Variants in FANCA observed in about 807,000 individuals in gnomAD.
FANCA encodes the protein Fanconi anemia group A protein.
A neutral mutation model predicts 194.3 loss-of-function variants in FANCA; 236 were observed. That is an observed-to-expected ratio of 1.21 (90% CI 1.09 to 1.35). The LOEUF (loss-of-function observed/expected upper bound fraction) is 1.35. Among genes scored for constraint, FANCA ranks in the 40% most tolerant of loss-of-function variants. The pLI is 0.00. For missense variants in FANCA, 2,628 were observed against 1,813.9 expected, an observed-to-expected ratio of 1.45 and a Z score of -8.15; for synonymous variants, 1,014 against 715.8, an observed-to-expected ratio of 1.42 and a Z score of -6.65.
At chr16:89,789,315 A>G (rs2039994400) in intron 14 of FANCA, among the ~76,000 whole-genome samples, 1 of 148,532 alleles carries the variant, frequency 6.7e-6, no homozygotes, top group African/African-American at 2.6e-5. Flanking sequence ...CTGGGGGGGG[A>G]GCAGGCACCG....
At chr16:89,780,063 T>C in intron 17 of FANCA, 106 bp from the exon 18 acceptor site, 1 of 1,028,108 alleles carries the variant, frequency 9.7e-7, no homozygotes. Flanking sequence ...AAAGGCTCTG[T>C]ACACATTAAA....
chr16:89,758,771 G>C lies in FANCA; in HGVS notation c.2853-66C>G, dbSNP rs2038847276. On this transcript the variant is annotated intron_variant, in intron 29 of 42. Coordinates refer to ENST00000389301, the MANE Select transcript of FANCA (RefSeq NM_000135.4). ...CGTGGCCAGCGGTTCCCCATAACCA[G>C]GGAATAGGCCCATAGTAAGGGACAC... The C allele has an allele frequency of 3.1e-6, 5 of 1,601,200 alleles. No homozygotes were observed. In the South Asian group the frequency reaches 4.4e-5, roughly 14 times the overall value.
intron 10 of FANCA, 185 bp downstream of exon 10, chr16:89,798,981 G>C: frequency 6.2e-7 from 1 of 1,613,700 alleles, no homozygotes; most frequent in Non-Finnish European, 8.5e-7. Flanking sequence ...GGAAAAGGCT[G>C]ACCAGAGCGT....
intron 30 of FANCA, among the ~76,000 whole-genome samples, chr16:89,754,401 C>T (rs1040459786): frequency 6.6e-6 from 1 of 152,160 alleles, no homozygotes; most frequent in African/African-American, 2.4e-5. Flanking sequence ...GACTGAGTTT[C>T]ACTCTTGTCG....
At chr16:89,798,434 C>T (rs2040321335) in intron 10 of FANCA, 2 of 1,087,264 alleles carry the variant, frequency 1.8e-6, no homozygotes, top group Non-Finnish European at 2.2e-6. Context: ...AGCAGTTAAA[C>T]AGTTACTGTG....
intron 29 of FANCA, among the ~76,000 whole-genome samples, chr16:89,759,130 G>A (rs182020070): frequency 3.3e-5 from 5 of 151,592 alleles, no homozygotes; most frequent in African/African-American, 7.3e-5. Flanking sequence ...ACCATCCTGG[G>A]TAACACGGTG....
chr16:89,751,449 G>A (rs534496338), intron 31 of FANCA, among the ~76,000 whole-genome samples: 1 of 152,280 alleles, frequency 6.6e-6, no homozygotes, highest in Non-Finnish European at 1.5e-5. Context: ...TCTAGCCTGG[G>A]TGACAGAGCA....
intron 20 of FANCA, among the ~76,000 whole-genome samples, chr16:89,776,757 G>A (rs373022083): frequency 3.9e-5 from 6 of 152,048 alleles, no homozygotes; most frequent in African/African-American, 1.4e-4. Context: ...CATGAACCCA[G>A]AAGGTGGAGC....
chr16:89,738,268 C>G lies in FANCA; in HGVS notation c.*333G>C. 6.4e-7 allele frequency: 1 copy of G among 1,572,124 alleles called. No homozygotes were observed. The highest frequency in any genetic ancestry group is 8.6e-7 in the Non-Finnish European group (1 of 1,160,326). On this transcript the variant is annotated 3_prime_UTR_variant, in exon 43 of 43. Coordinates refer to ENST00000389301, the MANE Select transcript of FANCA (RefSeq NM_000135.4). ...CTGAGGACGGCAGTGAGGATGAGCA[C>G]CTCTAGCAGCCTGGACTCCGCAGTG...
chr16:89,782,871 C>T lies in FANCA; in HGVS notation c.1614G>A (p.Gly538=), dbSNP rs747421581. The change falls in exon 17 of 43, where the codon GGG becomes GGA. Residue 538 remains glycine (G), a synonymous_variant. Coordinates refer to ENST00000389301, the MANE Select transcript of FANCA (RefSeq NM_000135.4). The part of the protein sequence containing the change: ...MGLYEDLSSA[G]DITEPHSQAL... ...CAAGCAACATTACCTCAGTAATGTC[C>T]CCAGCTGATGACAAATCCTCGTAGA... The T allele has an allele frequency of 2.8e-5, 45 of 1,613,876 alleles. No homozygotes were observed. The highest frequency in any genetic ancestry group is 3.6e-5 in the Non-Finnish European group (42 of 1,179,874).
intron 26 of FANCA, among the ~76,000 whole-genome samples, chr16:89,768,015 G>A (rs557006843): frequency 6.6e-6 from 1 of 152,016 alleles, no homozygotes; most frequent in African/African-American, 2.4e-5. Flanking sequence ...GTTTTATACA[G>A]GGCCTTACTC....
chr16:89,793,996 C>G (rs1460891227), intron 11 of FANCA, among the ~76,000 whole-genome samples: 12 of 152,020 alleles, frequency 7.9e-5, no homozygotes. Context: ...GTGACCTGCC[C>G]GTCTCAGCCT....
Position 89,779,738 on chromosome 16 carries a change from C to T in FANCA, c.1715+131G>A, listed in dbSNP as rs17232749. On this transcript the variant is annotated intron_variant, in intron 18 of 42. Coordinates refer to ENST00000389301, the MANE Select transcript of FANCA (RefSeq NM_000135.4). ...GGGACACACTCCAAAGAGCCCCAGA[C>T]GCTGGCAGGCATCAGAGCGGAGTCT... is the stretch of plus-strand genomic sequence containing the variant. 938 of 787,284 alleles carry T rather than the reference C, an allele frequency of 1.2e-3. 4 individuals carry two copies. In the African/African-American group the frequency reaches 0.014, roughly 12 times the overall value. 48.8% of individuals were successfully genotyped at this position (787,284 alleles called of 1,614,324 possible).
At chr16:89,775,857 T>G in intron 20 of FANCA, 42 bp from the exon 21 acceptor site, 1 of 1,328,120 alleles carries the variant, frequency 7.5e-7, no homozygotes, top group Non-Finnish European at 1.1e-6. Flanking sequence ...AGCTATGGCT[T>G]AAATTAATTC....
chr16:89,791,023 G>GTTTTTT (rs11355118), intron 14 of FANCA: 12 of 94,828 alleles, frequency 1.3e-4, no homozygotes, highest in Non-Finnish European at 2.2e-4. Context: ...GTGTGTGTGT[G>GTTTTTT]TTTTTTTTTT....
intron 21 of FANCA, 141 bp downstream of exon 21, chr16:89,775,601 C>T (rs1019824918): frequency 1.4e-5 from 10 of 696,002 alleles, no homozygotes; most frequent in Non-Finnish European, 2.4e-5. Context: ...GCATGGTGGG[C>T]GGACCCTGTA....
Position 89,749,732 on chromosome 16 carries a change from T to C in FANCA, c.3237A>G (p.Lys1079=), listed in dbSNP as rs1567603731. ...LQRQRELLMY[K]RILLRLPSSV... is the part of the protein sequence containing the mutation. ...GCCCAGGTGGTAGTAGGTGTTACCG[T>C]TTGTACATTAGCAGCTCCCTCTGTC... The change falls in exon 32 of 43, where the codon AAA becomes AAG. Residue 1079 remains lysine, a splice_region_variant and synonymous_variant. Transcript: ENST00000389301. 1 of 1,613,604 alleles carries C rather than the reference T, an allele frequency of 6.2e-7. No individual in the cohort carries two copies. Among genetic ancestry groups the C allele is most frequent in the South Asian group, 1.1e-5 (1 of 90,986 alleles).
chr16:89,757,921 A>C (rs983549208), intron 30 of FANCA, among the ~76,000 whole-genome samples: 4 of 152,132 alleles, frequency 2.6e-5, no homozygotes, highest in Admixed American at 2.6e-4. Context: ...TCTGTCGCCC[A>C]GTCGGCTCAC....
intron 30 of FANCA, among the ~76,000 whole-genome samples, chr16:89,756,058 G>T (rs560828923): frequency 6.6e-6 from 1 of 152,210 alleles, no homozygotes; most frequent in African/African-American, 2.4e-5. Context: ...TCTAAACATA[G>T]AAAAGGTACG....
Sources: gnomAD v4.1 joint callset for allele counts (sites outside exome capture counted in the v4.1 genomes callset) on GRCh38, gnomAD v4.1.1 for gene constraint, MANE v1.5 for transcripts, NCBI Gene and HGNC (gene_info 2026-07-23, HGNC 2026-07-21) for gene names.